CNOT4: variants seen among roughly 807,000 people sequenced by gnomAD.
CNOT4 encodes the protein CCR4-associated factor 4.
In CNOT4, 8 loss-of-function variants were observed where a neutral mutation model predicts 73.8. The ratio of observed to expected loss-of-function variants is 0.11; its 90% confidence interval spans 0.06 to 0.20. The LOEUF is 0.20. CNOT4 is among the 10% of genes least tolerant of loss of function. CNOT4 has a pLI of 1.00. For missense variants in CNOT4, 564 were observed against 883.4 expected, an observed-to-expected ratio of 0.64 and a Z score of 4.58; for synonymous variants, 293 against 321.1, an observed-to-expected ratio of 0.91 and a Z score of 0.94.
At chr7:135,467,921 A>G (rs1466675869) in intron 1 of CNOT4, among the ~76,000 whole-genome samples, 2 of 152,172 alleles carry the variant, frequency 1.3e-5, no homozygotes, top group African/African-American at 2.4e-5. Context: ...AAAATAAAAC[A>G]TCATTACAGA....
In CNOT4 at chr7:135,362,766, G is replaced by A. The variant is rs777308554; in HGVS notation, c.*119C>T. On this transcript the variant is annotated 3_prime_UTR_variant, in exon 12 of 12. Transcript: ENST00000541284. The stretch of plus-strand genomic sequence containing the variant: ...TCTGGGGTTAGGGAGAAAAAAAATT[G>A]ATCAGGTACTGGATTCTTCAGAACA... 1.1e-6 allele frequency: 1 copy of A among 948,354 alleles called. No individual in the cohort carries two copies. The highest frequency in any genetic ancestry group is 1.3e-5 in the South Asian group (1 of 77,572). The allele number at this position is 948,354 out of a possible 1,614,324, so 58.7% of individuals were successfully genotyped here. A position where few individuals can be genotyped will look rare whatever the true frequency, so the allele number is the denominator to read the frequency against.
intron 10 of CNOT4, among the ~76,000 whole-genome samples, chr7:135,373,763 G>A (rs1235165706): frequency 6.6e-6 from 1 of 151,842 alleles, no homozygotes; most frequent in East Asian, 1.9e-4. Context: ...TGTATTTTTA[G>A]TAGAGACGGG....
At chr7:135,372,095 T>C (rs887521502) in intron 10 of CNOT4, among the ~76,000 whole-genome samples, 1 of 152,180 alleles carries the variant, frequency 6.6e-6, no homozygotes, top group African/African-American at 2.4e-5. Context: ...TGCAGAGACA[T>C]GGAAGGTGTC....
chr7:135,454,584 G>A (rs940133553), intron 1 of CNOT4, among the ~76,000 whole-genome samples: 1 of 152,038 alleles, frequency 6.6e-6, no homozygotes, highest in African/African-American at 2.4e-5. Context: ...TGAGGCAGAA[G>A]AATCACTTGA....
At chr7:135,451,693 G>A (rs191515578) in intron 1 of CNOT4, among the ~76,000 whole-genome samples, 51 of 152,300 alleles carry the variant, frequency 3.3e-4, no homozygotes, top group Middle Eastern at 6.8e-3. Context: ...TGCTAATAGT[G>A]ACTACCTTTA....
chr7:135,387,316 T>A, intron 10 of CNOT4: 11 of 985,378 alleles, frequency 1.1e-5, no homozygotes, highest in Non-Finnish European at 1.2e-5. Context: ...ACAGCCTCAG[T>A]TAACCAAATC....
At chr7:135,397,739 T>C (rs1796775965) in intron 8 of CNOT4, among the ~76,000 whole-genome samples, 2 of 152,058 alleles carry the variant, frequency 1.3e-5, no homozygotes, top group Admixed American at 1.3e-4. Context: ...TCAAAGCTGA[T>C]AGTCATTTGG....
At chr7:135,447,175 C>T (rs2129485729) in intron 1 of CNOT4, among the ~76,000 whole-genome samples, 1 of 106,830 alleles carries the variant, frequency 9.4e-6, no homozygotes, top group Middle Eastern at 4.9e-3. Flanking sequence ...TTTAAGTTGT[C>T]CATTGTTTCT....
At chr7:135,436,019 T>C (rs1799134651) in intron 2 of CNOT4, among the ~76,000 whole-genome samples, 1 of 148,328 alleles carries the variant, frequency 6.7e-6, no homozygotes, top group Admixed American at 6.7e-5. Flanking sequence ...TCCCATTCCT[T>C]TTTTTTTTTT....
intron 1 of CNOT4, among the ~76,000 whole-genome samples, chr7:135,467,100 T>C (rs1411717353): frequency 1.3e-5 from 2 of 152,220 alleles, no homozygotes; most frequent in Admixed American, 1.3e-4. Flanking sequence ...AGTTTAACTC[T>C]TTTTAAAACG....
At chr7:135,377,898 C>A (rs1795607905) in intron 10 of CNOT4, among the ~76,000 whole-genome samples, 1 of 152,068 alleles carries the variant, frequency 6.6e-6, no homozygotes, top group Non-Finnish European at 1.5e-5. Context: ...TTTTCAAATA[C>A]AAATCAGAAA....
chr7:135,446,074 G>T lies in CNOT4; in HGVS notation c.-92-7651C>A, dbSNP rs191079986. Among the ~76,000 whole-genome samples the T allele has an allele frequency of 1.4e-3, 206 of 152,234 alleles. 1 individual carries two copies. Among genetic ancestry groups the T allele is most frequent in the African/African-American group, 4.6e-3 (191 of 41,542 alleles). On this transcript the variant is annotated intron_variant, in intron 1 of 11. Transcript: ENST00000541284. ...TTTTTTAAATATCTATATAGATGGG[G>T]TCTCCCTGTGTTGCAAAGGCTGGTC...
intron 1 of CNOT4, among the ~76,000 whole-genome samples, chr7:135,476,166 G>A (rs908544897): frequency 6.6e-6 from 1 of 152,092 alleles, no homozygotes; most frequent in African/African-American, 2.4e-5. Flanking sequence ...AAAAATCTAA[G>A]TGTCCAATGG....
At chr7:135,425,526 A>G (rs1233059061) in intron 2 of CNOT4, among the ~76,000 whole-genome samples, 3 of 152,326 alleles carry the variant, frequency 2.0e-5, no homozygotes, top group Non-Finnish European at 2.9e-5. Flanking sequence ...CTATGGAAAT[A>G]TATTTCCATC....
chr7:135,439,386 A>G (rs1259184010), intron 1 of CNOT4, among the ~76,000 whole-genome samples: 2 of 152,354 alleles, frequency 1.3e-5, no homozygotes, highest in African/African-American at 4.8e-5. Flanking sequence ...TTGCCCTGTC[A>G]CATACTAAAT....
At chr7:135,400,932 C>T (rs2129483659) in intron 7 of CNOT4, among the ~76,000 whole-genome samples, 1 of 152,246 alleles carries the variant, frequency 6.6e-6, no homozygotes, top group South Asian at 2.1e-4. Flanking sequence ...AATTATTTTA[C>T]TTCCTATGTG....
At chr7:135,441,393 T>C (rs1438395136) in intron 1 of CNOT4, among the ~76,000 whole-genome samples, 4 of 151,564 alleles carry the variant, frequency 2.6e-5, no homozygotes, top group Non-Finnish European at 5.9e-5. Context: ...CTATAATTAT[T>C]TCAAAATAAA....
At chr7:135,389,303 TAA>T (rs1796282097) in intron 10 of CNOT4, among the ~76,000 whole-genome samples, 1 of 152,026 alleles carries the variant, frequency 6.6e-6, no homozygotes, top group Non-Finnish European at 1.5e-5. Flanking sequence ...AACTGATTTT[TAA>T]AAGAGAAAAA....
In CNOT4 at chr7:135,363,824, CAGTGT is replaced by C; in HGVS notation, c.1840+25_1840+29del. 6.5e-7 allele frequency: 1 copy of C among 1,530,256 alleles called. No individual in the cohort carries two copies. Among genetic ancestry groups the C allele is most frequent in the Non-Finnish European group, 8.8e-7 (1 of 1,132,084 alleles). The allele number at this position is 1,530,256 out of a possible 1,614,324, so 94.8% of individuals were successfully genotyped here. On this transcript the variant is annotated intron_variant, in intron 11 of 11. Coordinates refer to ENST00000541284, the MANE Select transcript of CNOT4 (RefSeq NM_001190850.2). This position sits in a 1 kb window ranked among gnomAD's most constrained non-coding sequence, Gnocchi z 4.3. The stretch of plus-strand genomic sequence containing the variant: ...TGCTAAAAACCAAACTGTTGGCAGT[CAGTGT>C]AGCTGAAGGGAGTGAGAAAGTTACC...
Sources: allele counts gnomAD v4.1 joint callset (sites outside exome capture counted in the v4.1 genomes callset), GRCh38; gene constraint gnomAD v4.1.1; non-coding constraint Gnocchi (gnomAD v3.1); transcripts MANE v1.5; gene names NCBI Gene and HGNC (gene_info 2026-07-23, HGNC 2026-07-21).